ARHGAP20: variants seen among roughly 807,000 people sequenced by gnomAD.
The protein encoded by ARHGAP20 is Rho GTPase activating protein 20.
In ARHGAP20, 34 loss-of-function variants were observed where a neutral mutation model predicts 73.7. That is an observed-to-expected ratio of 0.46 (90% CI 0.35 to 0.61). ARHGAP20 has a LOEUF of 0.61. Ranked by LOEUF, ARHGAP20 falls within the 20% of genes least tolerant of loss-of-function variation. The pLI is 0.00. For synonymous variants in ARHGAP20, 523 were observed against 518.2 expected (o/e 1.01, Z -0.13); for missense variants, 1,314 against 1,420.9 (o/e 0.92, Z 1.21).
At chr11:110,592,652 GGAGGAAGAAA>G (rs1345822555) in intron 9 of ARHGAP20, among the ~76,000 whole-genome samples, 5 of 152,096 alleles carry the variant, frequency 3.3e-5, no homozygotes, top group African/African-American at 1.2e-4. Context: ...AAAGCGAAAA[GGAGGAAGAAA>G]AAGGAAGAAG....
At chr11:110,672,039 A>T (rs1211253630) in intron 2 of ARHGAP20, among the ~76,000 whole-genome samples, 1 of 152,156 alleles carries the variant, frequency 6.6e-6, no homozygotes, top group East Asian at 1.9e-4. Flanking sequence ...AAATTAATCA[A>T]ACTTGATCCC....
At chr11:110,586,140 T>C in intron 12 of ARHGAP20, 76 bp downstream of exon 12, 3 of 735,556 alleles carry the variant, frequency 4.1e-6, no homozygotes, top group Non-Finnish European at 6.0e-6. Flanking sequence ...CTTTGATAGC[T>C]GTCATTATTT....
rs1950221204 is a variant in ARHGAP20 at position 110,690,547 on chromosome 11, C to G, written c.188G>C (p.Arg63Thr). The G allele has an allele frequency of 1.2e-6, 2 of 1,613,330 alleles. No homozygotes were observed. The highest frequency in any genetic ancestry group is 8.5e-7 in the Non-Finnish European group (1 of 1,179,456). The change falls in exon 2 of 15, where the codon AGG becomes ACG. Residue 63 changes from arginine to threonine, a missense_variant and splice_region_variant. By Grantham distance (71) the Arg-to-Thr change is moderately conservative. This residue lies in a region of ARHGAP20 where 443 missense variants were observed against 466.4 expected (regional missense o/e 0.95). Transcript: ENST00000683387. ...GTGTAATACAAAGCTTTGCACTTAC[C>G]TGGTAGTAGGCCGTTTTTGTAGGGC... ...DKALQKRPTT[R>T]DSPSASVDTC...
Position 110,592,098 on chromosome 11 carries a change from C to T in ARHGAP20, c.1022G>A (p.Arg341Gln), listed in dbSNP as rs773586201. The change falls in exon 10 of 15, where the codon CGA becomes CAA. Residue 341 changes from arginine to glutamine, a missense_variant. Arg to Gln is a conservative substitution (Grantham distance 43). Coordinates refer to ENST00000683387, the MANE Select transcript of ARHGAP20 (RefSeq NM_001384657.1). ...RRSIINWAFW[R>Q]GSSTHLDNLP... ...GTTGTCCAGGTGAGTGCTAGAACCT[C>T]GCCAGAAGGCCCAGTTTATGATAGA... 104 of 1,614,022 alleles carry T rather than the reference C, an allele frequency of 6.4e-5. No homozygotes were observed. Among genetic ancestry groups the T allele is most frequent in the Non-Finnish European group, 7.9e-5 (93 of 1,179,990 alleles).
chr11:110,614,872 T>C (rs565133704), intron 5 of ARHGAP20, among the ~76,000 whole-genome samples: 355 of 152,298 alleles, frequency 2.3e-3, no homozygotes, highest in African/African-American at 7.1e-3. Flanking sequence ...AGGACAGGCA[T>C]GTCAAGTGAG....
intron 2 of ARHGAP20, among the ~76,000 whole-genome samples, chr11:110,679,412 A>G (rs958268498): frequency 6.6e-6 from 1 of 152,192 alleles, no homozygotes; most frequent in Non-Finnish European, 1.5e-5. Flanking sequence ...GAGGCTAGTT[A>G]CCAAAACGAC....
intron 2 of ARHGAP20, among the ~76,000 whole-genome samples, chr11:110,650,575 G>A (rs1441608148): frequency 2.0e-5 from 3 of 152,048 alleles, no homozygotes; most frequent in Admixed American, 6.6e-5. Context: ...CTTTATGTCT[G>A]TAGTCTCACC....
chr11:110,682,686 G>A (rs1950059271), intron 2 of ARHGAP20, among the ~76,000 whole-genome samples: 1 of 152,070 alleles, frequency 6.6e-6, no homozygotes, highest in Admixed American at 6.6e-5. Flanking sequence ...TAATAGATGA[G>A]CCAGAAGGCT....
At position 110,654,969 on chromosome 11, in the gene ARHGAP20, C is replaced by T. The variant is rs568391395; in HGVS notation, c.189-24177G>A. The stretch of plus-strand genomic sequence containing the variant: ...GTAGGAGTTTCATTCTCATTCTTTA[C>T]AAAAAGCTTCTCCACTGACCCCAAC... On this transcript the variant is annotated intron_variant, in intron 2 of 14. Transcript: ENST00000683387. Among the ~76,000 whole-genome samples, 35 of 152,200 alleles carry T rather than the reference C, an allele frequency of 2.3e-4. No individual in the cohort carries two copies. In the South Asian group the frequency reaches 6.8e-3, roughly 30 times the overall value.
At chr11:110,694,431 G>C (rs1017961971) in intron 1 of ARHGAP20, among the ~76,000 whole-genome samples, 1 of 150,242 alleles carries the variant, frequency 6.7e-6, no homozygotes, top group Non-Finnish European at 1.5e-5. Context: ...CAGTATTGTA[G>C]GTCAAAAAAC....
intron 4 of ARHGAP20, among the ~76,000 whole-genome samples, chr11:110,621,535 C>A (rs1163517382): frequency 6.6e-6 from 1 of 151,970 alleles, no homozygotes; most frequent in Non-Finnish European, 1.5e-5. Flanking sequence ...TTCCATTCTG[C>A]AAAGAAGGCC....
intron 1 of ARHGAP20, chr11:110,691,064 G>A: frequency 1.4e-6 from 2 of 1,401,638 alleles, no homozygotes; most frequent in Admixed American, 2.5e-5. Flanking sequence ...AAGTAAAGGA[G>A]AGGAAAAAAC....
At chr11:110,593,210 C>A (rs1319102639) in intron 9 of ARHGAP20, among the ~76,000 whole-genome samples, 1 of 151,898 alleles carries the variant, frequency 6.6e-6, no homozygotes, top group Non-Finnish European at 1.5e-5. Flanking sequence ...AAAAAGACAA[C>A]ATGAAAAAGA....
intron 9 of ARHGAP20, among the ~76,000 whole-genome samples, chr11:110,592,718 C>A (rs1303002813): frequency 6.6e-6 from 1 of 152,028 alleles, no homozygotes; most frequent in African/African-American, 2.4e-5. Flanking sequence ...GAGGAGTTTT[C>A]TCTGTTAAGA....
intron 2 of ARHGAP20, among the ~76,000 whole-genome samples, chr11:110,657,810 G>C (rs1949499182): frequency 1.3e-5 from 2 of 151,840 alleles, no homozygotes; most frequent in Non-Finnish European, 2.9e-5. Flanking sequence ...CAGGAGAATT[G>C]CTTGAACCCA....
At chr11:110,710,026 A>T (rs934983795) in intron 1 of ARHGAP20, among the ~76,000 whole-genome samples, 3 of 152,214 alleles carry the variant, frequency 2.0e-5, no homozygotes, top group Non-Finnish European at 2.9e-5. Context: ...TCGGATTGAC[A>T]ATAGCTTCCC....
chr11:110,707,842 T>C, intron 1 of ARHGAP20, among the ~76,000 whole-genome samples: 1 of 150,184 alleles, frequency 6.7e-6, no homozygotes, highest in East Asian at 1.9e-4. Flanking sequence ...ATAACAGTTA[T>C]CACCATTTAT....
chr11:110,584,967 A>ATG (rs1182633321), intron 12 of ARHGAP20, among the ~76,000 whole-genome samples: 3,326 of 56,162 alleles, frequency 0.059, 107 homozygotes, highest in African/African-American at 0.13. Context: ...ATATGTGAAT[A>ATG]TATGAATATA....
At chr11:110,658,003 T>A (rs910740675) in intron 2 of ARHGAP20, among the ~76,000 whole-genome samples, 1 of 151,192 alleles carries the variant, frequency 6.6e-6, no homozygotes, top group African/African-American at 2.4e-5. Context: ...GGGGAGGAAG[T>A]TCCAGAAGAT....
Sources: gnomAD v4.1 joint callset for allele counts (sites outside exome capture counted in the v4.1 genomes callset) on GRCh38, gnomAD v4.1.1 for gene constraint, gnomAD v4.1.1 regional missense constraint, MANE v1.5 for transcripts, NCBI Gene and HGNC (gene_info 2026-07-23, HGNC 2026-07-21) for gene names.